Variants in ANKH observed in about 807,000 individuals in gnomAD.
ANKH encodes ANKH inorganic pyrophosphate transport regulator.
A neutral mutation model predicts 49.0 loss-of-function variants in ANKH; 15 were observed. The ratio of observed to expected loss-of-function variants is 0.31; its 90% confidence interval spans 0.20 to 0.47. ANKH has a LOEUF of 0.47. Ranked by LOEUF, ANKH falls within the 20% of genes least tolerant of loss-of-function variation. ANKH has a pLI of 1.00. For missense variants in ANKH, 429 were observed against 652.0 expected (o/e 0.66, Z 3.72); for synonymous variants, 273 against 260.0 (o/e 1.05, Z -0.48).
chr5:14,747,920 A>G (rs1292910854), intron 6 of ANKH, among the ~76,000 whole-genome samples: 1 of 152,168 alleles, frequency 6.6e-6, no homozygotes, highest in Non-Finnish European at 1.5e-5. Context: ...GTGGAATAGT[A>G]AGAACAATAA....
In ANKH at chr5:14,785,488, C is replaced by T. The variant is rs2126535896; in HGVS notation, c.97-16297G>A. On this transcript the variant is annotated intron_variant, in intron 1 of 11. Transcript: ENST00000284268. ...ACCTTCTGCCATGATTGGAAGCTTCCTGAGGCCTCTGCAGAAGCCAAACGG... is the reference window on the plus strand; with the variant it reads ...ACCTTCTGCCATGATTGGAAGCTTCTTGAGGCCTCTGCAGAAGCCAAACGG... 1.3e-5 allele frequency among the ~76,000 whole-genome samples: 2 copies of T among 152,288 alleles called. 1 individual carries two copies. The highest frequency in any genetic ancestry group is 4.1e-4 in the South Asian group (2 of 4,822).
chr5:14,746,605 C>G (rs1006352589), intron 6 of ANKH, among the ~76,000 whole-genome samples: 1 of 152,196 alleles, frequency 6.6e-6, no homozygotes, highest in Non-Finnish European at 1.5e-5. Context: ...AATTTCTAAT[C>G]TTGTGGCTAA....
chr5:14,842,912 C>A (rs1366085023), intron 1 of ANKH, among the ~76,000 whole-genome samples: 1 of 152,158 alleles, frequency 6.6e-6, no homozygotes, highest in Non-Finnish European at 1.5e-5. Context: ...CATGAAAATT[C>A]CTAGAGAGAA....
At chr5:14,830,908 A>C (rs1194418399) in intron 1 of ANKH, among the ~76,000 whole-genome samples, 1 of 152,222 alleles carries the variant, frequency 6.6e-6, no homozygotes, top group Non-Finnish European at 1.5e-5. Context: ...ACAGCCCAGG[A>C]AACCCTTGGT....
rs1467915263 is a variant in ANKH, at chr5:14,713,520, G to A, written c.1265+24C>T. ...TATTGAAGTGGCAGAAGGACCCACA[G>A]CCCCAAACTCCCTGACAACATACCC... On this transcript the variant is annotated intron_variant, in intron 10 of 11. Transcript: ENST00000284268. The surrounding 1 kb of genome is among the most constrained non-coding windows in gnomAD (Gnocchi z 4.4). 6.2e-7 allele frequency: 1 copy of A among 1,613,662 alleles called. No homozygotes were observed. The highest frequency in any genetic ancestry group is 2.2e-5 in the East Asian group (1 of 44,866).
chr5:14,743,135 C>T (rs139876126), intron 7 of ANKH, among the ~76,000 whole-genome samples: 10 of 152,332 alleles, frequency 6.6e-5, no homozygotes, highest in African/African-American at 1.4e-4. Context: ...AATGAGTATA[C>T]GTTTTCTTAA....
Position 14,716,818 on chromosome 5 carries a change from A to G in ANKH, c.1029T>C (p.Phe343=). 1.2e-6 allele frequency: 2 copies of G among 1,614,082 alleles called. No individual in the cohort carries two copies. Among genetic ancestry groups the G allele is most frequent in the South Asian group, 2.2e-5 (2 of 91,080 alleles). ...TTTTCTCAGACACGTTGGGTGTCCA[A>G]AACATCACGAAACAGAGCTGGGGAG... ...ALSLTLCFVM[F]WTPNVSEKIL... The change falls in exon 9 of 12, where the codon TTT becomes TTC. Residue 343 remains phenylalanine (F), a synonymous_variant. Transcript: ENST00000284268.
In ANKH at chr5:14,758,545, A is replaced by T; in HGVS notation, c.367T>A (p.Ser123Thr). ...IINKLHHVDESVGSKTRRAFL... is the reference protein window; with the variant it reads ...IINKLHHVDETVGSKTRRAFL... ...GCCCTTCTCGTCTTGCTCCCCACCG[A>T]CTCGTCCACATGGTGCAGTTTATTG... Residue 123 changes from serine (S) to threonine (T), a missense_variant, in exon 3 of 12, where the codon TCG becomes ACG. Transcript: ENST00000284268. The T allele has an allele frequency of 1.9e-6, 3 of 1,614,130 alleles. No individual in the cohort carries two copies. The highest frequency in any genetic ancestry group is 2.5e-6 in the Non-Finnish European group (3 of 1,180,024).
chr5:14,786,799 C>T (rs190322496), intron 1 of ANKH, among the ~76,000 whole-genome samples: 106 of 152,098 alleles, frequency 7.0e-4, no homozygotes, highest in Non-Finnish European at 2.9e-4. Flanking sequence ...AACTCCTTGA[C>T]CCAGTAATCC....
intron 1 of ANKH, among the ~76,000 whole-genome samples, chr5:14,864,862 C>T (rs1291957558): frequency 6.6e-6 from 1 of 152,116 alleles, no homozygotes; most frequent in Non-Finnish European, 1.5e-5. Flanking sequence ...TACACACATA[C>T]ACACCATTTT....
chr5:14,738,668 C>A (rs1335107726), intron 8 of ANKH, among the ~76,000 whole-genome samples: 1 of 152,056 alleles, frequency 6.6e-6, no homozygotes, highest in Non-Finnish European at 1.5e-5. Context: ...GTGGCTCATG[C>A]CTCTAATCCC....
chr5:14,824,063 T>G (rs398961), intron 1 of ANKH, among the ~76,000 whole-genome samples: 40,934 of 152,060 alleles, frequency 0.27, 5,705 homozygotes, highest in Admixed American at 0.35. Context: ...AGCCCTCAGA[T>G]AGCTGTGACT....
chr5:14,740,057 T>C (rs1219383174), intron 8 of ANKH, among the ~76,000 whole-genome samples: 2 of 152,236 alleles, frequency 1.3e-5, no homozygotes, highest in Non-Finnish European at 2.9e-5. Flanking sequence ...GTGAATGTCC[T>C]TAAGCCCAAT....
intron 1 of ANKH, among the ~76,000 whole-genome samples, chr5:14,859,911 C>T (rs536531198): frequency 8.5e-5 from 13 of 152,354 alleles, no homozygotes; most frequent in Non-Finnish European, 1.5e-5. Flanking sequence ...CACTTTAGGG[C>T]CCTTTGGCAG....
chr5:14,855,502 T>C (rs1003620680), intron 1 of ANKH, among the ~76,000 whole-genome samples: 1 of 152,226 alleles, frequency 6.6e-6, no homozygotes, highest in Non-Finnish European at 1.5e-5. Context: ...AACAGTATAC[T>C]AAGCACTTGG....
intron 1 of ANKH, among the ~76,000 whole-genome samples, chr5:14,860,226 G>C (rs1169931728): frequency 1.3e-5 from 2 of 152,178 alleles, no homozygotes; most frequent in African/African-American, 4.8e-5. Flanking sequence ...AGGCGGTGAG[G>C]GAGGGACATT....
At chr5:14,824,998 G>A (rs1454944463) in intron 1 of ANKH, among the ~76,000 whole-genome samples, 2 of 152,182 alleles carry the variant, frequency 1.3e-5, no homozygotes, top group African/African-American at 4.8e-5. Flanking sequence ...CAGACGGATG[G>A]TCTAATTGTT....
At chr5:14,862,405 G>A (rs1192205109) in intron 1 of ANKH, among the ~76,000 whole-genome samples, 1 of 152,156 alleles carries the variant, frequency 6.6e-6, no homozygotes, top group Non-Finnish European at 1.5e-5. Context: ...TTTGGTTGTT[G>A]GAACAGGAAC....
At chr5:14,736,630 T>C (rs1043559727) in intron 8 of ANKH, among the ~76,000 whole-genome samples, 6 of 152,174 alleles carry the variant, frequency 3.9e-5, no homozygotes, top group Non-Finnish European at 7.4e-5. Context: ...CCAGTCTCTC[T>C]CCCTTCTCCT....
Sources: allele counts gnomAD v4.1 joint callset (sites outside exome capture counted in the v4.1 genomes callset), GRCh38; gene constraint gnomAD v4.1.1; non-coding constraint Gnocchi (gnomAD v3.1); transcripts MANE v1.5; gene names NCBI Gene and HGNC (gene_info 2026-07-23, HGNC 2026-07-21).